The following MET variants were observed in gnomAD, a reference collection of about 807,000 sequenced individuals.
MET encodes the protein MET proto-oncogene, receptor tyrosine kinase.
Under a neutral mutation model 133.1 loss-of-function variants are expected in MET, and 48 were observed. That is an observed-to-expected ratio of 0.36 (90% confidence interval 0.29 to 0.46). MET has a LOEUF of 0.46. MET is among the 20% of genes least tolerant of loss of function. MET has a pLI of 1.00. For synonymous variants in MET, 628 were observed against 616.5 expected (o/e 1.02, Z -0.28); for missense variants, 1,442 against 1,695.9 (o/e 0.85, Z 2.63).
At chr7:116,725,316 A>G (rs1792701254) in intron 2 of MET, among the ~76,000 whole-genome samples, 1 of 152,164 alleles carries the variant, frequency 6.6e-6, no homozygotes, top group Non-Finnish European at 1.5e-5. Flanking sequence ...ATGTAACATT[A>G]TAATTGTGAG....
chr7:116,673,415 T>A (rs1469502447), intron 1 of MET, among the ~76,000 whole-genome samples: 1 of 152,222 alleles, frequency 6.6e-6, no homozygotes, highest in Non-Finnish European at 1.5e-5. Context: ...GTCAACTCTC[T>A]TAGGCAAAAT....
rs112819631 is a variant in MET at position 116,706,340 on chromosome 7, C to T, written c.1200+6056C>T. Among the ~76,000 whole-genome samples the T allele has an allele frequency of 7.2e-5, 11 of 152,092 alleles. 1 individual carries two copies. Among genetic ancestry groups the T allele is most frequent in the East Asian group, 1.9e-4 (1 of 5,170 alleles). On this transcript the variant is annotated intron_variant, in intron 2 of 20. Transcript: ENST00000397752. ...GAGATTCATCTGATAAAACTGATATCGCAAACGGGAAGGAGTTTGTACAAA... is the reference window on the plus strand; with the variant it reads ...GAGATTCATCTGATAAAACTGATATTGCAAACGGGAAGGAGTTTGTACAAA...
chr7:116,726,013 G>C (rs1337673781), intron 2 of MET, among the ~76,000 whole-genome samples: 1 of 147,694 alleles, frequency 6.8e-6, no homozygotes, highest in Non-Finnish European at 1.5e-5. Flanking sequence ...CTCCAGCATG[G>C]GTGACAGGGG....
rs763250326 is a variant in MET at position 116,700,317 on chromosome 7, T to C, written c.1200+33T>C. 9.4e-6 allele frequency: 15 copies of C among 1,587,636 alleles called. No individual in the cohort carries two copies. In the African/African-American group the frequency reaches 1.5e-4, roughly 16 times the overall value. On this transcript the variant is annotated intron_variant, in intron 2 of 20. Transcript: ENST00000397752. ...ACATCAGTTCCCCACTTATAAACTG[T>C]GAGGTATAAATTAGAAATAAGTATC...
At chr7:116,714,756 C>A (rs1450502953) in intron 2 of MET, among the ~76,000 whole-genome samples, 3 of 151,344 alleles carry the variant, frequency 2.0e-5, no homozygotes, top group Non-Finnish European at 4.4e-5. Context: ...CACACACACA[C>A]ACACACACAC....
At chr7:116,692,808 A>G (rs1562879308) in intron 1 of MET, among the ~76,000 whole-genome samples, 2 of 152,250 alleles carry the variant, frequency 1.3e-5, no homozygotes, top group Non-Finnish European at 2.9e-5. Flanking sequence ...TGTTTTATGG[A>G]TGATTCACTT....
Position 116,672,813 on chromosome 7 carries a change from GA to G in MET, c.-15+237del, listed in dbSNP as rs141961972. On this transcript the variant is annotated intron_variant, in intron 1 of 20. Coordinates refer to ENST00000397752, the MANE Select transcript of MET (RefSeq NM_000245.4). ...GGCCACCTGTATGACTTAGGAGGGAGAGGGGCGCTGGGACAGTGGGTGATGT... is the reference window on the plus strand; with the variant it reads ...GGCCACCTGTATGACTTAGGAGGGAGGGGGCGCTGGGACAGTGGGTGATGT... Among the ~76,000 whole-genome samples the G allele has an allele frequency of 0.052, 7,931 of 152,168 alleles. 249 individuals are homozygous for G. Among genetic ancestry groups the G allele is most frequent in the East Asian group, 0.12 (608 of 5,154 alleles).
chr7:116,786,674 C>T (rs1011731926), intron 19 of MET, among the ~76,000 whole-genome samples: 6 of 152,188 alleles, frequency 3.9e-5, no homozygotes, highest in East Asian at 3.9e-4. Flanking sequence ...ATTCTATTCA[C>T]ATGTTGTAAG....
At chr7:116,704,489 C>A (rs951688640) in intron 2 of MET, among the ~76,000 whole-genome samples, 2 of 152,046 alleles carry the variant, frequency 1.3e-5, no homozygotes, top group Non-Finnish European at 2.9e-5. Context: ...GGAATACTTG[C>A]GTAAAGAAAG....
rs1471017193 is a variant in MET, at chr7:116,723,370, G to C, written c.1201-8298G>C. ...GCACTTCTCTGTATTGGTTATTCTA[G>C]TTATACATTCTTCTAAATTTTTTTC... is the stretch of plus-strand genomic sequence containing the variant. On this transcript the variant is annotated intron_variant, in intron 2 of 20. Transcript: ENST00000397752. Among the ~76,000 whole-genome samples the C allele has an allele frequency of 6.1e-5, 9 of 148,716 alleles. No homozygotes were observed. The South Asian group carries it at 1.3e-3, about 22-fold the overall frequency.
chr7:116,736,979 G>T (rs1423577251), intron 3 of MET, among the ~76,000 whole-genome samples: 1 of 152,152 alleles, frequency 6.6e-6, no homozygotes, highest in Admixed American at 6.5e-5. Context: ...GAGTTAAAGT[G>T]GTTAATCGAT....
intron 19 of MET, among the ~76,000 whole-genome samples, chr7:116,793,630 G>A (rs551541415): frequency 6.8e-4 from 103 of 152,124 alleles, no homozygotes; most frequent in African/African-American, 2.4e-3. Flanking sequence ...CAGGCGCCGT[G>A]GCTCATGCCT....
At chr7:116,735,426 C>T (rs755350357) in intron 3 of MET, among the ~76,000 whole-genome samples, 6 of 152,210 alleles carry the variant, frequency 3.9e-5, no homozygotes, top group Admixed American at 6.5e-5. Flanking sequence ...AGAATAATTA[C>T]TCACTTCCAA....
At chr7:116,679,911 G>A (rs1421298994) in intron 1 of MET, among the ~76,000 whole-genome samples, 1 of 152,168 alleles carries the variant, frequency 6.6e-6, no homozygotes, top group African/African-American at 2.4e-5. Context: ...CTCTCTTAAA[G>A]AAATAAACTA....
rs1793387320 is a variant in MET at position 116,740,094 on chromosome 7, T to C, written c.1527+10T>C. The C allele has an allele frequency of 6.2e-7, 1 of 1,613,898 alleles. No homozygotes were observed. The highest frequency in any genetic ancestry group is 8.5e-7 in the Non-Finnish European group (1 of 1,179,900). ...TATCACTGGGAAGAAGGTAAGCTGTTCCCACAGGGAATTTCCATAGACGTG... is the reference window on the plus strand; with the variant it reads ...TATCACTGGGAAGAAGGTAAGCTGTCCCCACAGGGAATTTCCATAGACGTG... On this transcript the variant is annotated intron_variant, in intron 4 of 20. Transcript: ENST00000397752.
chr7:116,747,684 T>TA (rs1191375188), intron 5 of MET, among the ~76,000 whole-genome samples: 1 of 152,008 alleles, frequency 6.6e-6, no homozygotes, highest in Non-Finnish European at 1.5e-5. Context: ...ATAGGAGACT[T>TA]TAACACCCCA....
Position 116,778,972 on chromosome 7 carries a change from A to G in MET, c.3522+15A>G, listed in dbSNP as rs748010112. 1.4e-5 allele frequency: 22 copies of G among 1,613,260 alleles called. No individual in the cohort carries two copies. The highest frequency in any genetic ancestry group is 1.8e-5 in the Non-Finnish European group (21 of 1,179,752). On this transcript the variant is annotated intron_variant, in intron 17 of 20. Coordinates refer to ENST00000397752, the MANE Select transcript of MET (RefSeq NM_000245.4). ...ATGAGACTCATGTAAGTTGACTGCC[A>G]AGCTTACTAACTGGCAAACTAGCTG...
At chr7:116,697,334 A>G (rs1175558385) in intron 1 of MET, among the ~76,000 whole-genome samples, 2 of 152,014 alleles carry the variant, frequency 1.3e-5, no homozygotes, top group African/African-American at 2.4e-5. Context: ...TTACCTCATT[A>G]TGGGATATAA....
intron 5 of MET, among the ~76,000 whole-genome samples, chr7:116,746,616 T>A (rs1793698642): frequency 6.6e-6 from 1 of 152,200 alleles, no homozygotes; most frequent in Non-Finnish European, 1.5e-5. Flanking sequence ...AAGGATGAGT[T>A]CATGTCCTTT....
Sources: gnomAD v4.1 joint callset for allele counts (sites outside exome capture counted in the v4.1 genomes callset) on GRCh38, gnomAD v4.1.1 for gene constraint, MANE v1.5 for transcripts, NCBI Gene and HGNC (gene_info 2026-07-23, HGNC 2026-07-21) for gene names.